Variants in PHLPP1 observed in about 807,000 individuals in gnomAD.
The protein encoded by PHLPP1 is PH domain leucine-rich repeat-containing protein phosphatase 1.
PHLPP1 carries 42 observed loss-of-function variants against 117.2 expected under a neutral mutation model. That is an observed-to-expected ratio of 0.36 (90% CI 0.28 to 0.46). The LOEUF (loss-of-function observed/expected upper bound fraction) is 0.46. Ranked by LOEUF, PHLPP1 falls within the 20% of genes least tolerant of loss-of-function variation. The probability of loss-of-function intolerance (pLI) is 1.00; values close to 1 mark genes in which losing one functional copy is unlikely to be tolerated. For synonymous variants in PHLPP1, 1,042 were observed against 970.7 expected (o/e 1.07, Z -1.37); for missense variants, 2,084 against 2,241.9 (o/e 0.93, Z 1.42).
intron 1 of PHLPP1, among the ~76,000 whole-genome samples, chr18:62,792,465 T>G (rs930150196): frequency 3.3e-5 from 5 of 152,216 alleles, no homozygotes; most frequent in African/African-American, 1.2e-4. Context: ...CTTTTCTGAC[T>G]AAATTCCACT....
At position 62,972,004 on chromosome 18, in the gene PHLPP1, G is replaced by A. The variant is rs190417412; in HGVS notation, c.3561-510G>A. 1.6e-3 allele frequency among the ~76,000 whole-genome samples: 242 copies of A among 152,182 alleles called. 2 individuals carry two copies. The highest frequency in any genetic ancestry group is 5.7e-4 in the Non-Finnish European group (39 of 67,982). On this transcript the variant is annotated intron_variant, in intron 14 of 16. Coordinates refer to ENST00000262719, the MANE Select transcript of PHLPP1 (RefSeq NM_194449.4). ...TGAGCCGAGATCACACTACTGCACT[G>A]CAGCCTAGGTGATAGAGGGAGACCC...
intron 4 of PHLPP1, among the ~76,000 whole-genome samples, chr18:62,894,188 C>T (rs753870666): frequency 5.3e-5 from 8 of 152,102 alleles, no homozygotes; most frequent in Non-Finnish European, 1.2e-4. Flanking sequence ...GTATTGAGAT[C>T]GACGAATGAT....
intron 1 of PHLPP1, among the ~76,000 whole-genome samples, chr18:62,828,184 T>C (rs1914662136): frequency 6.6e-6 from 1 of 152,188 alleles, no homozygotes; most frequent in African/African-American, 2.4e-5. Context: ...TCTCTCTTAC[T>C]TCTTCCCCAC....
intron 1 of PHLPP1, among the ~76,000 whole-genome samples, chr18:62,782,488 C>CT (rs1449324410): frequency 8.5e-5 from 13 of 152,176 alleles, no homozygotes; most frequent in African/African-American, 3.1e-4. Context: ...ATGGGGCTCT[C>CT]TCTGCCATAT....
chr18:62,790,330 G>A (rs780686870), intron 1 of PHLPP1, among the ~76,000 whole-genome samples: 4 of 152,162 alleles, frequency 2.6e-5, no homozygotes, highest in Non-Finnish European at 5.9e-5. Context: ...GGAGCCAGCA[G>A]TCTGGGACCT....
In PHLPP1 at chr18:62,799,785, A is replaced by C. The variant is rs568240311; in HGVS notation, c.1577-30250A>C. On this transcript the variant is annotated intron_variant, in intron 1 of 16. Coordinates refer to ENST00000262719, the MANE Select transcript of PHLPP1 (RefSeq NM_194449.4). ...AAAATATAGCTGAGGGTTTTTGTTT[A>C]TTTGCTTGGGCCTTACTGCTTATAA... is the stretch of plus-strand genomic sequence containing the variant. 3.8e-4 allele frequency among the ~76,000 whole-genome samples: 58 copies of C among 152,148 alleles called. No homozygotes were observed. The Middle Eastern group carries it at 0.014, about 36-fold the overall frequency.
At chr18:62,775,886 A>T (rs555765824) in intron 1 of PHLPP1, among the ~76,000 whole-genome samples, 2 of 152,296 alleles carry the variant, frequency 1.3e-5, no homozygotes, top group East Asian at 3.9e-4. Context: ...CAAGTTCATT[A>T]TCTACCTTTA....
At chr18:62,891,328 C>T (rs1916403219) in intron 4 of PHLPP1, among the ~76,000 whole-genome samples, 1 of 152,226 alleles carries the variant, frequency 6.6e-6, no homozygotes, top group Non-Finnish European at 1.5e-5. Flanking sequence ...TGGCTTACGC[C>T]TGTAATCCCA....
intron 1 of PHLPP1, among the ~76,000 whole-genome samples, chr18:62,775,391 G>A (rs1356843230): frequency 6.6e-6 from 1 of 152,154 alleles, no homozygotes; most frequent in African/African-American, 2.4e-5. Flanking sequence ...GAGCCACCGC[G>A]CCCAGCCCAC....
At chr18:62,850,169 C>T (rs1398569962) in intron 3 of PHLPP1, among the ~76,000 whole-genome samples, 1 of 150,744 alleles carries the variant, frequency 6.6e-6, no homozygotes, top group Admixed American at 6.6e-5. Context: ...GCAGGTGGAT[C>T]ACAAGGTCAG....
intron 1 of PHLPP1, among the ~76,000 whole-genome samples, chr18:62,816,113 G>A (rs1365532010): frequency 6.6e-6 from 1 of 151,990 alleles, no homozygotes; most frequent in East Asian, 1.9e-4. Context: ...ATATTACATT[G>A]GGTATTCTTT....
intron 1 of PHLPP1, among the ~76,000 whole-genome samples, chr18:62,771,481 A>G (rs1912775650): frequency 6.6e-6 from 1 of 152,224 alleles, no homozygotes; most frequent in African/African-American, 2.4e-5. Context: ...CTGTTAAACA[A>G]CAGCCCCAAT....
At chr18:62,874,619 T>C (rs1599096179) in intron 4 of PHLPP1, among the ~76,000 whole-genome samples, 1 of 152,060 alleles carries the variant, frequency 6.6e-6, no homozygotes, top group Non-Finnish European at 1.5e-5. Context: ...CAGCCCTGGG[T>C]AGGACAGCAT....
chr18:62,758,912 T>G (rs1481620436), intron 1 of PHLPP1, among the ~76,000 whole-genome samples: 1 of 152,204 alleles, frequency 6.6e-6, no homozygotes, highest in African/African-American at 2.4e-5. Flanking sequence ...ATCCAAGTCT[T>G]TCTAAACTAA....
At chr18:62,804,881 A>G (rs1369105152) in intron 1 of PHLPP1, among the ~76,000 whole-genome samples, 1 of 149,988 alleles carries the variant, frequency 6.7e-6, no homozygotes, top group African/African-American at 2.4e-5. Context: ...ACAGTATAAT[A>G]TACACTGCAT....
At chr18:62,766,682 A>T (rs1261156511) in intron 1 of PHLPP1, among the ~76,000 whole-genome samples, 1 of 151,964 alleles carries the variant, frequency 6.6e-6, no homozygotes, top group African/African-American at 2.4e-5. Context: ...TGTGTATATC[A>T]CTCTATATAA....
At chr18:62,831,760 G>A in intron 2 of PHLPP1, among the ~76,000 whole-genome samples, 1 of 152,190 alleles carries the variant, frequency 6.6e-6, no homozygotes, top group Non-Finnish European at 1.5e-5. Context: ...TGTGTAGCAA[G>A]CACATTCTTG....
intron 1 of PHLPP1, among the ~76,000 whole-genome samples, chr18:62,781,441 G>A (rs932889780): frequency 1.3e-5 from 2 of 152,158 alleles, no homozygotes; most frequent in African/African-American, 4.8e-5. Context: ...TCTTGTTCCT[G>A]TCTAACCTGG....
chr18:62,804,976 G>A (rs1446615120), intron 1 of PHLPP1, among the ~76,000 whole-genome samples: 1 of 143,642 alleles, frequency 7.0e-6, no homozygotes, highest in East Asian at 2.1e-4. Flanking sequence ...TACATATACA[G>A]TATAATATAC....
Sources: gnomAD v4.1 joint callset for allele counts (sites outside exome capture counted in the v4.1 genomes callset) on GRCh38, gnomAD v4.1.1 for gene constraint, MANE v1.5 for transcripts, NCBI Gene and HGNC (gene_info 2026-07-23, HGNC 2026-07-21) for gene names.